The following WWOX variants were observed in gnomAD, a reference collection of about 807,000 sequenced individuals.
WWOX encodes WW domain containing oxidoreductase.
A neutral mutation model predicts 46.2 loss-of-function variants in WWOX; 69 were observed. That is an observed-to-expected ratio of 1.49 (90% confidence interval 1.23 to 1.82). The LOEUF (loss-of-function observed/expected upper bound fraction) is 1.82. Among genes scored for constraint, WWOX ranks in the 40% most tolerant of loss-of-function variants. The pLI is 0.00. For missense variants in WWOX, 919 were observed against 542.6 expected, an observed-to-expected ratio of 1.69 and a Z score of -6.89; for synonymous variants, 359 against 202.6, an observed-to-expected ratio of 1.77 and a Z score of -6.56.
At chr16:78,988,226 C>G (rs1003814230) in intron 8 of WWOX, among the ~76,000 whole-genome samples, 3 of 151,856 alleles carry the variant, frequency 2.0e-5, no homozygotes, top group Admixed American at 2.0e-4. Context: ...CATCTGTAAT[C>G]TCAGCTCCTC....
In WWOX at chr16:78,753,217, G is replaced by T. The variant is rs528743698; in HGVS notation, c.1056+320465G>T. ...CTGGAGGCTGAGACAGGATAATGGT[G>T]TGAATCCGGGAGGCGGAGCTTGCAG... On this transcript the variant is annotated intron_variant, in intron 8 of 8. Coordinates refer to ENST00000566780, the MANE Select transcript of WWOX (RefSeq NM_016373.4). 1.4e-3 allele frequency among the ~76,000 whole-genome samples: 213 copies of T among 152,146 alleles called. 1 individual carries two copies. The highest frequency in any genetic ancestry group is 4.7e-3 in the African/African-American group (195 of 41,526).
chr16:79,016,748 C>T (rs577717499), intron 8 of WWOX: 1 of 152,192 alleles, frequency 6.6e-6, no homozygotes, highest in Non-Finnish European at 1.5e-5. Flanking sequence ...TGTTTTTATC[C>T]TCTTCCCAAG....
intron 5 of WWOX, among the ~76,000 whole-genome samples, chr16:78,301,818 G>T (rs2080046687): frequency 6.6e-6 from 1 of 152,158 alleles, no homozygotes; most frequent in Admixed American, 6.5e-5. Flanking sequence ...ACGTTACCTA[G>T]GGTTAGGACT....
intron 5 of WWOX, among the ~76,000 whole-genome samples, chr16:78,321,234 A>G (rs1597479714): frequency 6.6e-6 from 1 of 150,580 alleles, no homozygotes; most frequent in Non-Finnish European, 1.5e-5. Flanking sequence ...TTGCTCCACA[A>G]TTCTCTTTTG....
chr16:78,452,886 T>TATATATATATATATATATACATACA (rs1567582114), intron 8 of WWOX, among the ~76,000 whole-genome samples: 1 of 151,078 alleles, frequency 6.6e-6, no homozygotes, highest in African/African-American at 2.5e-5. Flanking sequence ...TATATACATA[T>TATATATATATATATATATACATACA]TTTTGAGAGG....
intron 8 of WWOX, among the ~76,000 whole-genome samples, chr16:79,015,627 G>C (rs1197105214): frequency 6.6e-6 from 1 of 152,204 alleles, no homozygotes; most frequent in African/African-American, 2.4e-5. Context: ...AGAGTTGGAA[G>C]CACACCACTG....
At chr16:78,929,258 T>C (rs2045567544) in intron 8 of WWOX, among the ~76,000 whole-genome samples, 1 of 152,252 alleles carries the variant, frequency 6.6e-6, no homozygotes, top group East Asian at 1.9e-4. Flanking sequence ...ACAGTGATTT[T>C]TTTTTTTGTA....
chr16:78,426,705 C>T (rs558594563), intron 7 of WWOX, among the ~76,000 whole-genome samples: 2 of 152,152 alleles, frequency 1.3e-5, no homozygotes, highest in Admixed American at 6.5e-5. Flanking sequence ...TGATCTGTTA[C>T]CAGGCTGCAG....
At chr16:78,885,440 G>A (rs187204636) in intron 8 of WWOX, among the ~76,000 whole-genome samples, 9 of 152,150 alleles carry the variant, frequency 5.9e-5, no homozygotes, top group Non-Finnish European at 8.8e-5. Context: ...TTTTCACTCT[G>A]TCTAAACATC....
chr16:78,933,808 C>T (rs1157646154), intron 8 of WWOX, among the ~76,000 whole-genome samples: 2 of 152,104 alleles, frequency 1.3e-5, no homozygotes, highest in East Asian at 1.9e-4. Flanking sequence ...TACCTCCCAC[C>T]AGCTTCCTCC....
chr16:78,585,128 A>C (rs938091805), intron 8 of WWOX, among the ~76,000 whole-genome samples: 1 of 152,244 alleles, frequency 6.6e-6, no homozygotes, highest in Non-Finnish European at 1.5e-5. Context: ...TGTCCGTGTG[A>C]ACTAAATTCA....
intron 8 of WWOX, among the ~76,000 whole-genome samples, chr16:78,915,985 C>T (rs540459891): frequency 2.6e-5 from 4 of 152,172 alleles, no homozygotes; most frequent in Admixed American, 2.6e-4. Context: ...AGTGGGGCCT[C>T]AGATTTCCCA....
chr16:78,710,922 G>A (rs1033056046), intron 8 of WWOX, among the ~76,000 whole-genome samples: 3 of 151,896 alleles, frequency 2.0e-5, no homozygotes, highest in African/African-American at 7.3e-5. Flanking sequence ...AAAGCCTAAG[G>A]GACCTTAGAA....
intron 8 of WWOX, among the ~76,000 whole-genome samples, chr16:78,578,308 T>TTTG (rs2044954872): frequency 7.7e-6 from 1 of 129,058 alleles, no homozygotes; most frequent in Non-Finnish European, 1.6e-5. Flanking sequence ...TTTTTTTTTT[T>TTTG]GGTCGGAGTC....
At chr16:78,361,705 G>C (rs1386675249) in intron 5 of WWOX, among the ~76,000 whole-genome samples, 4 of 152,028 alleles carry the variant, frequency 2.6e-5, no homozygotes, top group Non-Finnish European at 5.9e-5. Flanking sequence ...TCTGCCTCCT[G>C]TGTTCAGGCG....
chr16:78,691,297 G>T (rs117800143), intron 8 of WWOX: 1 of 701,782 alleles, frequency 1.4e-6, no homozygotes. Flanking sequence ...ACTTTGGTGA[G>T]TTCTTACCTT....
chr16:79,175,747 G>C (rs1224748160), intron 8 of WWOX, among the ~76,000 whole-genome samples: 2 of 152,182 alleles, frequency 1.3e-5, no homozygotes, highest in Non-Finnish European at 2.9e-5. Context: ...TCCTTTCAGA[G>C]TTACTCATAC....
chr16:79,117,450 G>C (rs1340087783), intron 8 of WWOX, among the ~76,000 whole-genome samples: 1 of 152,210 alleles, frequency 6.6e-6, no homozygotes, highest in Non-Finnish European at 1.5e-5. Context: ...CACAGGGAGA[G>C]TAGGTTTAGC....
At chr16:78,745,438 C>T (rs1407643848) in intron 8 of WWOX, among the ~76,000 whole-genome samples, 3 of 151,886 alleles carry the variant, frequency 2.0e-5, no homozygotes, top group Non-Finnish European at 4.4e-5. Flanking sequence ...TCTTTTCTCC[C>T]TCAACATTGA....
Sources: allele counts gnomAD v4.1 joint callset (sites outside exome capture counted in the v4.1 genomes callset), GRCh38; gene constraint gnomAD v4.1.1; transcripts MANE v1.5; gene names NCBI Gene and HGNC (gene_info 2026-07-23, HGNC 2026-07-21).